The following PRKD1 variants were observed in gnomAD, a reference collection of about 807,000 sequenced individuals.
The protein encoded by PRKD1 is protein kinase D1.
In PRKD1, 63 loss-of-function variants were observed where a neutral mutation model predicts 95.9. The ratio of observed to expected loss-of-function variants is 0.66; its 90% CI spans 0.54 to 0.81. The LOEUF (loss-of-function observed/expected upper bound fraction) is 0.81. Ranked by LOEUF, PRKD1 falls within the 30% of genes least tolerant of loss-of-function variation. The pLI, the probability that PRKD1 is intolerant of heterozygous loss-of-function variation, is 0.00. For missense variants in PRKD1, 1,048 were observed against 1,165.3 expected (o/e 0.90, Z 1.47); for synonymous variants, 425 against 423.1 (o/e 1.00, Z -0.05).
chr14:29,674,054 G>A (rs756774090), intron 2 of PRKD1, among the ~76,000 whole-genome samples: 7 of 152,086 alleles, frequency 4.6e-5, no homozygotes, highest in Admixed American at 1.3e-4. Flanking sequence ...TTGGCATACC[G>A]GTGGGAGCTG....
chr14:29,741,376 T>C (rs780338192), intron 1 of PRKD1, among the ~76,000 whole-genome samples: 1 of 152,222 alleles, frequency 6.6e-6, no homozygotes, highest in African/African-American at 2.4e-5. Context: ...ATATATGACA[T>C]ATGTCATGTG....
chr14:29,679,278 C>G (rs1883399677), intron 2 of PRKD1, among the ~76,000 whole-genome samples: 1 of 152,116 alleles, frequency 6.6e-6, no homozygotes, highest in South Asian at 2.1e-4. Flanking sequence ...CGATTCTGAG[C>G]AAAAATGTTC....
intron 1 of PRKD1, among the ~76,000 whole-genome samples, chr14:29,871,483 TC>T (rs146689936): frequency 0.01 from 1,553 of 152,276 alleles, 21 homozygotes; most frequent in African/African-American, 0.035. Flanking sequence ...AAGTCTGAGT[TC>T]TTATTTTGAA....
intron 1 of PRKD1, among the ~76,000 whole-genome samples, chr14:29,727,805 A>G (rs1303734774): frequency 6.6e-6 from 1 of 151,764 alleles, no homozygotes; most frequent in Non-Finnish European, 1.5e-5. Context: ...TGTGGCACAT[A>G]TACACCATGG....
At chr14:29,600,899 C>T (rs1314656745) in intron 13 of PRKD1, among the ~76,000 whole-genome samples, 2 of 151,604 alleles carry the variant, frequency 1.3e-5, no homozygotes, top group Admixed American at 6.6e-5. Flanking sequence ...TTTTTCTCTG[C>T]ACAACAACAA....
At chr14:29,699,736 T>C (rs955686795) in intron 2 of PRKD1, among the ~76,000 whole-genome samples, 1 of 152,210 alleles carries the variant, frequency 6.6e-6, no homozygotes, top group African/African-American at 2.4e-5. Context: ...ATTTATTTTC[T>C]AAATAGATAT....
intron 1 of PRKD1, among the ~76,000 whole-genome samples, chr14:29,740,820 A>G (rs1278009019): frequency 6.6e-6 from 1 of 152,260 alleles, no homozygotes; most frequent in African/African-American, 2.4e-5. Flanking sequence ...TCATTGCAGC[A>G]CTATTCACAA....
chr14:29,731,484 T>C (rs959617317), intron 1 of PRKD1, among the ~76,000 whole-genome samples: 15 of 152,212 alleles, frequency 9.9e-5, no homozygotes, highest in Non-Finnish European at 2.1e-4. Context: ...GATTTTCTAT[T>C]TGCTTAATAA....
intron 1 of PRKD1, among the ~76,000 whole-genome samples, chr14:29,826,832 T>TAC (rs1566623132): frequency 3.5e-5 from 1 of 28,760 alleles, no homozygotes; most frequent in African/African-American, 1.4e-4. Flanking sequence ...TATATATATA[T>TAC]ATATATACAC....
chr14:29,793,849 C>A (rs1889684986), intron 1 of PRKD1, among the ~76,000 whole-genome samples: 1 of 151,822 alleles, frequency 6.6e-6, no homozygotes, highest in Non-Finnish European at 1.5e-5. Context: ...TGTGTCTTTG[C>A]ACTAATGGTA....
intron 1 of PRKD1, among the ~76,000 whole-genome samples, chr14:29,813,247 T>C (rs764172195): frequency 1.3e-5 from 2 of 152,208 alleles, no homozygotes; most frequent in Admixed American, 6.5e-5. Context: ...GAGGAGACAA[T>C]TGTATGTGGG....
chr14:29,701,077 A>G (rs1056538161), intron 2 of PRKD1, among the ~76,000 whole-genome samples: 1 of 152,120 alleles, frequency 6.6e-6, no homozygotes, highest in African/African-American at 2.4e-5. Flanking sequence ...ATTTTGCATA[A>G]CATCTTGAGG....
At chr14:29,921,766 C>A in intron 1 of PRKD1, among the ~76,000 whole-genome samples, 1 of 152,118 alleles carries the variant, frequency 6.6e-6, no homozygotes, top group East Asian at 1.9e-4. Flanking sequence ...TCTTCTGGGG[C>A]AAGTTTTTAA....
intron 1 of PRKD1, among the ~76,000 whole-genome samples, chr14:29,880,519 A>C (rs925106315): frequency 3.9e-5 from 6 of 152,202 alleles, no homozygotes; most frequent in African/African-American, 1.4e-4. Context: ...CTGCTAGGGC[A>C]GTGCAGAAAG....
chr14:29,725,202 T>G (rs1467649755), intron 2 of PRKD1, among the ~76,000 whole-genome samples: 1 of 152,172 alleles, frequency 6.6e-6, no homozygotes, highest in Non-Finnish European at 1.5e-5. Context: ...ACAGCTAATT[T>G]AGCTTCACTG....
intron 1 of PRKD1, among the ~76,000 whole-genome samples, chr14:29,880,522 G>A (rs538529131): frequency 6.6e-6 from 1 of 152,314 alleles, no homozygotes; most frequent in South Asian, 2.1e-4. Flanking sequence ...CTAGGGCAGT[G>A]CAGAAAGGAA....
intron 1 of PRKD1, among the ~76,000 whole-genome samples, chr14:29,847,882 C>A (rs890908210): frequency 4.6e-5 from 7 of 152,058 alleles, no homozygotes; most frequent in Non-Finnish European, 7.4e-5. Context: ...CTCTCTCCCC[C>A]CCCACCAACC....
intron 16 of PRKD1, chr14:29,592,708 A>C (rs940932205): frequency 6.6e-6 from 1 of 152,158 alleles, no homozygotes; most frequent in Admixed American, 6.6e-5. Flanking sequence ...ACAATAACCC[A>C]GTAAGGTAGG....
intron 2 of PRKD1, among the ~76,000 whole-genome samples, chr14:29,671,992 T>G (rs954806508): frequency 6.6e-6 from 1 of 152,184 alleles, no homozygotes; most frequent in Non-Finnish European, 1.5e-5. Flanking sequence ...ATCTACCCTA[T>G]GTATATATTT....
Sources: gnomAD v4.1 joint callset for allele counts (sites outside exome capture counted in the v4.1 genomes callset) on GRCh38, gnomAD v4.1.1 for gene constraint, MANE v1.5 for transcripts, NCBI Gene and HGNC (gene_info 2026-07-23, HGNC 2026-07-21) for gene names.